TRPM3: variants seen among roughly 807,000 people sequenced by gnomAD.
TRPM3 encodes the protein transient receptor potential cation channel subfamily M member 3.
TRPM3 carries 77 observed loss-of-function variants against 181.2 expected under a neutral mutation model. That is an observed-to-expected ratio of 0.42 (90% confidence interval 0.35 to 0.51). TRPM3 has a LOEUF of 0.51. Ranked by LOEUF, TRPM3 falls within the 20% of genes least tolerant of loss-of-function variation. The pLI is 0.01. For missense variants in TRPM3, 1,759 were observed against 2,196.7 expected (o/e 0.80, Z 3.98); for synonymous variants, 745 against 796.4 (o/e 0.94, Z 1.09).
At chr9:70,850,399 T>A (rs926859219) in intron 3 of TRPM3, among the ~76,000 whole-genome samples, 1 of 152,118 alleles carries the variant, frequency 6.6e-6, no homozygotes, top group Non-Finnish European at 1.5e-5. Context: ...ATAAGAGACA[T>A]ATTTATAATG....
intron 19 of TRPM3, 65 bp downstream of exon 19, chr9:70,610,544 C>T: frequency 1.3e-6 from 2 of 1,564,004 alleles, no homozygotes; most frequent in South Asian, 2.4e-5. Context: ...CACACAGATG[C>T]ATGAGAAATG....
intron 1 of TRPM3, among the ~76,000 whole-genome samples, chr9:71,057,104 C>A (rs1259085972): frequency 6.6e-6 from 1 of 152,020 alleles, no homozygotes; most frequent in African/African-American, 2.4e-5. Flanking sequence ...GACACCCATG[C>A]CATCTGCTCA....
chr9:71,306,795 A>G (rs2087376831), intron 1 of TRPM3, among the ~76,000 whole-genome samples: 1 of 152,060 alleles, frequency 6.6e-6, no homozygotes, highest in Non-Finnish European at 1.5e-5. Flanking sequence ...AATCGCTTGA[A>G]CCTGGGGGTG....
At chr9:71,053,653 T>C (rs1285136591) in intron 1 of TRPM3, among the ~76,000 whole-genome samples, 2 of 152,126 alleles carry the variant, frequency 1.3e-5, no homozygotes, top group Non-Finnish European at 2.9e-5. Flanking sequence ...TACTGTAAAA[T>C]GTCTAAGGGT....
At chr9:71,043,654 T>C (rs543122944) in intron 1 of TRPM3, among the ~76,000 whole-genome samples, 2 of 152,312 alleles carry the variant, frequency 1.3e-5, no homozygotes, top group East Asian at 1.9e-4. Flanking sequence ...ATTTCCAAAA[T>C]TTGCGCCTGG....
chr9:70,765,233 A>G (rs1376848822), intron 7 of TRPM3, among the ~76,000 whole-genome samples: 2 of 152,212 alleles, frequency 1.3e-5, no homozygotes, highest in Non-Finnish European at 2.9e-5. Flanking sequence ...CCTAATCCGT[A>G]TCAGGGATGA....
At position 71,142,687 on chromosome 9, in the gene TRPM3, G is replaced by A. The variant is rs1263202690; in HGVS notation, c.184-278176C>T. ...GACATACTCAGATTTACTTTATACTGACAATTTATATTTAAAAAATTTGCA... is the reference window on the plus strand; with the variant it reads ...GACATACTCAGATTTACTTTATACTAACAATTTATATTTAAAAAATTTGCA... On this transcript the variant is annotated intron_variant, in intron 1 of 24. Coordinates refer to the TRPM3 transcript ENST00000357533. 6.6e-5 allele frequency among the ~76,000 whole-genome samples: 10 copies of A among 152,056 alleles called. 1 individual carries two copies. The highest frequency in any genetic ancestry group is 2.4e-4 in the African/African-American group (10 of 41,478).
At chr9:71,076,206 T>TA (rs1677400942) in intron 1 of TRPM3, among the ~76,000 whole-genome samples, 1 of 152,172 alleles carries the variant, frequency 6.6e-6, no homozygotes. Context: ...GGCTGTTTGT[T>TA]AAACTGCGGT....
chr9:71,054,802 AC>A (rs2060472460), intron 1 of TRPM3, among the ~76,000 whole-genome samples: 1 of 151,996 alleles, frequency 6.6e-6, no homozygotes, highest in Admixed American at 6.6e-5. Flanking sequence ...AATCAGGTAA[AC>A]CTCACCTGGT....
chr9:71,380,122 G>A (rs2092764016), intron 1 of TRPM3, among the ~76,000 whole-genome samples: 1 of 152,132 alleles, frequency 6.6e-6, no homozygotes, highest in East Asian at 1.9e-4. Flanking sequence ...AACATTCTCA[G>A]CATTAGAAGG....
intron 1 of TRPM3, among the ~76,000 whole-genome samples, chr9:70,894,112 C>T (rs1282188227): frequency 6.6e-6 from 1 of 152,132 alleles, no homozygotes; most frequent in East Asian, 1.9e-4. Flanking sequence ...CATAAGCCAT[C>T]CCACCAAATT....
chr9:70,689,361 ATATAT>A (rs1411403136), intron 8 of TRPM3, among the ~76,000 whole-genome samples: 3 of 152,182 alleles, frequency 2.0e-5, no homozygotes, highest in African/African-American at 4.8e-5. Context: ...TATAAGTAAA[ATATAT>A]TATAGCATTA....
intron 1 of TRPM3, among the ~76,000 whole-genome samples, chr9:71,409,127 A>G (rs2093493299): frequency 6.6e-6 from 1 of 152,194 alleles, no homozygotes; most frequent in Non-Finnish European, 1.5e-5. Flanking sequence ...ATGGAAAGGA[A>G]CAACTGGTAC....
intron 1 of TRPM3, among the ~76,000 whole-genome samples, chr9:71,090,830 A>T (rs976051777): frequency 6.6e-6 from 1 of 152,148 alleles, no homozygotes; most frequent in African/African-American, 2.4e-5. Context: ...TTAAATGAAT[A>T]TTTAAAACTA....
intron 9 of TRPM3, among the ~76,000 whole-genome samples, chr9:70,645,044 C>G (rs879139372): frequency 1.3e-5 from 2 of 152,084 alleles, no homozygotes; most frequent in African/African-American, 4.8e-5. Flanking sequence ...AACCACTGCT[C>G]AAGGAAATAA....
chr9:70,648,648 G>A (rs531943592), intron 9 of TRPM3, among the ~76,000 whole-genome samples: 5 of 150,534 alleles, frequency 3.3e-5, no homozygotes, highest in South Asian at 2.1e-4. Context: ...AAAAAGACAC[G>A]TAAACCAGTG....
intron 1 of TRPM3, among the ~76,000 whole-genome samples, chr9:71,337,083 A>C (rs2090610170): frequency 6.6e-6 from 1 of 152,224 alleles, no homozygotes; most frequent in Non-Finnish European, 1.5e-5. Context: ...CAATGGCAAC[A>C]AAAGGCAAAA....
chr9:70,640,156 C>A (rs1342977636), intron 10 of TRPM3, among the ~76,000 whole-genome samples: 1 of 152,212 alleles, frequency 6.6e-6, no homozygotes, highest in Non-Finnish European at 1.5e-5. Flanking sequence ...GGGAAGCCTG[C>A]TAATTCTGCA....
At chr9:70,967,103 G>A (rs2097193263) in intron 1 of TRPM3, among the ~76,000 whole-genome samples, 1 of 152,028 alleles carries the variant, frequency 6.6e-6, no homozygotes, top group African/African-American at 2.4e-5. Context: ...CTCTAATGAG[G>A]AAATGCTACC....
Sources: allele counts gnomAD v4.1 joint callset (sites outside exome capture counted in the v4.1 genomes callset), GRCh38; gene constraint gnomAD v4.1.1; transcripts MANE v1.5; gene names NCBI Gene and HGNC (gene_info 2026-07-23, HGNC 2026-07-21).